Variants in NRG3 observed in about 807,000 individuals in gnomAD.
NRG3 encodes the protein pro-neuregulin-3, membrane-bound isoform.
A neutral mutation model predicts 66.9 loss-of-function variants in NRG3; 31 were observed. That is an observed-to-expected ratio of 0.46 (90% CI 0.35 to 0.63). The LOEUF (loss-of-function observed/expected upper bound fraction) is 0.63, where lower values mean the gene tolerates loss of function less well. Among genes scored for constraint, NRG3 ranks in the 20% least tolerant of loss-of-function variants. The probability of loss-of-function intolerance (pLI) is 0.00; values close to 1 mark genes in which losing one functional copy is unlikely to be tolerated. For missense variants in NRG3, 910 were observed against 878.9 expected (o/e 1.04, Z -0.45); for synonymous variants, 393 against 359.4 (o/e 1.09, Z -1.06).
chr10:82,925,955 C>T (rs936796531), intron 4 of NRG3, among the ~76,000 whole-genome samples: 4 of 152,144 alleles, frequency 2.6e-5, no homozygotes, highest in African/African-American at 9.6e-5. Flanking sequence ...GGGATTTGAG[C>T]AGTCAGGCAG....
chr10:82,884,082 G>T (rs1842522069), intron 4 of NRG3, among the ~76,000 whole-genome samples: 1 of 151,602 alleles, frequency 6.6e-6, no homozygotes, highest in Admixed American at 6.6e-5. Flanking sequence ...ATTTGTTTTG[G>T]CTTTATAGTT....
chr10:82,472,069 T>TA (rs1841321694), intron 2 of NRG3, among the ~76,000 whole-genome samples: 1 of 151,412 alleles, frequency 6.6e-6, no homozygotes, highest in South Asian at 2.1e-4. Context: ...AAAAAAAAAA[T>TA]ACTAGAACAA....
chr10:82,075,545 A>G (rs941842875), intron 1 of NRG3, among the ~76,000 whole-genome samples: 2 of 152,194 alleles, frequency 1.3e-5, no homozygotes, highest in Admixed American at 6.5e-5. Context: ...GTGCTTCATC[A>G]TGTAATATGA....
At chr10:82,350,020 T>A (rs2083328755) in intron 1 of NRG3, among the ~76,000 whole-genome samples, 1 of 152,270 alleles carries the variant, frequency 6.6e-6, no homozygotes, top group Non-Finnish European at 1.5e-5. Context: ...GAAATCACCG[T>A]CTTCTGCGTC....
intron 4 of NRG3, among the ~76,000 whole-genome samples, chr10:82,904,536 T>C (rs535609751): frequency 6.6e-6 from 1 of 152,324 alleles, no homozygotes; most frequent in South Asian, 2.1e-4. Context: ...TAGCTAAGTA[T>C]GGTTTATGCA....
At chr10:82,763,797 A>G (rs577629285) in intron 3 of NRG3, among the ~76,000 whole-genome samples, 1 of 152,328 alleles carries the variant, frequency 6.6e-6, no homozygotes, top group East Asian at 1.9e-4. Context: ...AGTCCAAATT[A>G]AGATGCTCTG....
At chr10:82,352,163 T>TA (rs2083474503) in intron 1 of NRG3, among the ~76,000 whole-genome samples, 1 of 152,202 alleles carries the variant, frequency 6.6e-6, no homozygotes, top group Admixed American at 6.5e-5. Context: ...GGTGATGAGT[T>TA]AGTTATTAGG....
intron 1 of NRG3, among the ~76,000 whole-genome samples, chr10:82,108,341 C>T (rs891914511): frequency 7.2e-5 from 11 of 152,100 alleles, no homozygotes; most frequent in Non-Finnish European, 4.4e-5. Flanking sequence ...GATTGTAGCA[C>T]AGAGAATTGA....
chr10:82,764,466 G>C (rs535797309), intron 3 of NRG3, among the ~76,000 whole-genome samples: 1 of 149,548 alleles, frequency 6.7e-6, no homozygotes, highest in African/African-American at 2.5e-5. Flanking sequence ...GTGTTCAAGC[G>C]ATTCTCCTGC....
At chr10:82,605,577 G>T (rs1385057975) in intron 2 of NRG3, among the ~76,000 whole-genome samples, 7 of 151,898 alleles carry the variant, frequency 4.6e-5, no homozygotes, top group Non-Finnish European at 1.0e-4. Flanking sequence ...TTAGGGTAAT[G>T]CTAGTCTCAC....
chr10:81,998,275 AT>A (rs1270822466), intron 1 of NRG3, among the ~76,000 whole-genome samples: 5 of 152,226 alleles, frequency 3.3e-5, no homozygotes, highest in Non-Finnish European at 5.9e-5. Context: ...GCTGGTTAGC[AT>A]TTATCTACAT....
At chr10:81,935,737 G>C (rs144176090) in intron 1 of NRG3, among the ~76,000 whole-genome samples, 1 of 152,032 alleles carries the variant, frequency 6.6e-6, no homozygotes, top group South Asian at 2.1e-4. Context: ...CCTGCTTCAG[G>C]ACCACCTCCT....
chr10:82,364,013 G>T (rs570395894), intron 2 of NRG3, among the ~76,000 whole-genome samples: 1 of 151,876 alleles, frequency 6.6e-6, no homozygotes, highest in African/African-American at 2.4e-5. Context: ...AAACTAAAAA[G>T]GTTGATAGTT....
At chr10:82,458,009 C>G (rs981036545) in intron 2 of NRG3, among the ~76,000 whole-genome samples, 1 of 152,136 alleles carries the variant, frequency 6.6e-6, no homozygotes, top group Admixed American at 6.5e-5. Flanking sequence ...AGGCACAGAC[C>G]GTGGTGTGTG....
intron 1 of NRG3, among the ~76,000 whole-genome samples, chr10:82,141,623 G>A (rs1348268721): frequency 6.6e-6 from 1 of 151,326 alleles, no homozygotes; most frequent in African/African-American, 2.4e-5. Flanking sequence ...TCAGCACCCT[G>A]CATTTCTCTT....
rs1421041772 is a variant in NRG3, at chr10:82,003,697, TATCAGA to T, written c.823+127535_823+127540del. On this transcript the variant is annotated intron_variant, in intron 1 of 8. Transcript: ENST00000372141. ...GGTAACCAAAATGCCAGAGAAGGTT[TATCAGA>T]GTGGCTGCTGCTGTTGAAGCCAAAG... is the stretch of plus-strand genomic sequence containing the variant. Among the ~76,000 whole-genome samples the T allele has an allele frequency of 5.3e-5, 8 of 152,296 alleles. No individual in the cohort carries two copies. In the East Asian group the frequency reaches 1.5e-3, roughly 29 times the overall value.
chr10:82,217,585 A>G (rs2075749459), intron 1 of NRG3, among the ~76,000 whole-genome samples: 1 of 152,222 alleles, frequency 6.6e-6, no homozygotes. Context: ...TGTAAAATAC[A>G]ACATTTTTCT....
intron 1 of NRG3, among the ~76,000 whole-genome samples, chr10:81,998,444 G>A (rs2061029895): frequency 6.6e-6 from 1 of 152,066 alleles, no homozygotes; most frequent in Non-Finnish European, 1.5e-5. Context: ...TTGTCTTCAT[G>A]TCCTCAATTC....
rs1426394544 is a variant in NRG3 at position 82,176,223 on chromosome 10, A to G, written c.824-182516A>G. On this transcript the variant is annotated intron_variant, in intron 1 of 8. Transcript: ENST00000372141. ...ATTTTATGAGATTCTCATGCAGGAT[A>G]TCCTTTGGGAAATGTAACCTTATAT... 5.9e-5 allele frequency among the ~76,000 whole-genome samples: 9 copies of G among 152,310 alleles called. No individual in the cohort carries two copies. In the South Asian group the frequency reaches 1.7e-3, roughly 28 times the overall value.
Sources: allele counts gnomAD v4.1 joint callset (sites outside exome capture counted in the v4.1 genomes callset), GRCh38; gene constraint gnomAD v4.1.1; transcripts MANE v1.5; gene names NCBI Gene and HGNC (gene_info 2026-07-23, HGNC 2026-07-21).